ATP2B2: variants seen among roughly 807,000 people sequenced by gnomAD.
ATP2B2 encodes the protein plasma membrane calcium-transporting ATPase 2.
In ATP2B2, 15 loss-of-function variants were observed where a neutral mutation model predicts 120.0. The ratio of observed to expected loss-of-function variants is 0.12; its 90% CI spans 0.08 to 0.19. ATP2B2 has a LOEUF of 0.19. Ranked by LOEUF, ATP2B2 falls within the 10% of genes least tolerant of loss-of-function variation. The pLI is 1.00. For missense variants in ATP2B2, 1,045 were observed against 1,719.8 expected (o/e 0.61, Z 6.94); for synonymous variants, 694 against 700.3 (o/e 0.99, Z 0.14).
intron 3 of ATP2B2, among the ~76,000 whole-genome samples, chr3:10,407,185 G>A (rs907615719): frequency 6.6e-6 from 1 of 152,160 alleles, no homozygotes. Flanking sequence ...CTGCCAGATG[G>A]GGTGGGGGTG....
At position 10,555,698 on chromosome 3, in the gene ATP2B2, G is replaced by A. The variant is rs569520456; in HGVS notation, c.-414-21565C>T. Among the ~76,000 whole-genome samples, 6 of 152,334 alleles carry A rather than the reference G, an allele frequency of 3.9e-5. No individual in the cohort carries two copies. In the South Asian group the frequency reaches 1.0e-3, roughly 26 times the overall value. On this transcript the variant is annotated intron_variant, in intron 2 of 21. Transcript: ENST00000646379. ...GGAATAGCAGCACCTCCATTGTGGG[G>A]CTGGTGGGGAGAAGCCCATAAGATG...
chr3:10,673,554 C>A lies in ATP2B2; in HGVS notation c.-460+34361G>T, dbSNP rs181255332. 2.6e-5 allele frequency among the ~76,000 whole-genome samples: 4 copies of A among 151,992 alleles called. No homozygotes were observed. In the East Asian group the frequency reaches 7.8e-4, roughly 29 times the overall value. ...GTGGTGCACACCTGTAATCCCAGCACTTTGGGAGGCTGAGGCAAGAGGATT... is the reference window on the plus strand; with the variant it reads ...GTGGTGCACACCTGTAATCCCAGCAATTTGGGAGGCTGAGGCAAGAGGATT... On this transcript the variant is annotated intron_variant, in intron 1 of 21. Coordinates refer to the ATP2B2 transcript ENST00000646379.
chr3:10,573,627 G>C (rs1351850794), intron 2 of ATP2B2, among the ~76,000 whole-genome samples: 1 of 152,198 alleles, frequency 6.6e-6, no homozygotes, highest in Non-Finnish European at 1.5e-5. Flanking sequence ...AAGTGTCTCA[G>C]AGGCTTGGTT....
In ATP2B2 at chr3:10,402,482, T is replaced by A; in HGVS notation, c.398-134A>T. ...ATGATAATTATCCACTTACTCAGTG[T>A]GTCTGGGTACCAAGCCCTGTGGAAA... On this transcript the variant is annotated intron_variant, in intron 3 of 22. Coordinates refer to ENST00000360273, the MANE Select transcript of ATP2B2 (RefSeq NM_001001331.4). The surrounding 1 kb of genome is among the most constrained non-coding windows in gnomAD (Gnocchi z 4.9). 7.5e-7 allele frequency: 1 copy of A among 1,334,116 alleles called. No individual in the cohort carries two copies. The highest frequency in any genetic ancestry group is 1.1e-6 in the Non-Finnish European group (1 of 948,718). 82.6% of individuals were successfully genotyped at this position (1,334,116 alleles called of 1,614,324 possible).
intron 14 of ATP2B2, among the ~76,000 whole-genome samples, chr3:10,356,917 A>G (rs1037427575): frequency 1.6e-4 from 25 of 152,154 alleles, no homozygotes; most frequent in African/African-American, 6.0e-4. Context: ...GGATCTTGAT[A>G]GGAGTGAGGA....
intron 12 of ATP2B2, among the ~76,000 whole-genome samples, chr3:10,366,323 C>G (rs1658706): frequency 0.11 from 17,385 of 152,202 alleles, 1,381 homozygotes; most frequent in East Asian, 0.31. Context: ...CAACCCTCCT[C>G]CCTTCTGGGG....
intron 1 of ATP2B2, among the ~76,000 whole-genome samples, chr3:10,450,522 A>G (rs1180450192): frequency 6.6e-6 from 1 of 152,080 alleles, no homozygotes; most frequent in Non-Finnish European, 1.5e-5. Context: ...GGATGGGAGA[A>G]AGCCCCCACC....
intron 1 of ATP2B2, among the ~76,000 whole-genome samples, chr3:10,484,617 G>T (rs58135084): frequency 2.0e-5 from 3 of 152,194 alleles, no homozygotes; most frequent in East Asian, 1.9e-4. Context: ...GTCTCTGCAC[G>T]TCCCAGCCCT....
At chr3:10,660,927 G>C (rs2070761994) in intron 1 of ATP2B2, among the ~76,000 whole-genome samples, 1 of 152,208 alleles carries the variant, frequency 6.6e-6, no homozygotes, top group Admixed American at 6.5e-5. Flanking sequence ...TTCCTGGGAT[G>C]CAAGGCTGGT....
chr3:10,532,784 G>A (rs1387511099), intron 3 of ATP2B2, among the ~76,000 whole-genome samples: 1 of 152,306 alleles, frequency 6.6e-6, no homozygotes, highest in Non-Finnish European at 1.5e-5. Context: ...TGGCCCATCT[G>A]CTTGTTTGCT....
chr3:10,611,491 C>G (rs2125608857), intron 2 of ATP2B2, among the ~76,000 whole-genome samples: 1 of 152,342 alleles, frequency 6.6e-6, no homozygotes, highest in Non-Finnish European at 1.5e-5. Context: ...CATCTGCACT[C>G]TCCCCTGGCC....
rs1490006167 is a variant in ATP2B2, at chr3:10,340,302, C to A, written c.3177G>T (p.Leu1059=). Residue 1059 remains leucine, a synonymous_variant, in exon 21 of 23, where the codon CTG becomes CTT. Coordinates refer to ENST00000360273, the MANE Select transcript of ATP2B2 (RefSeq NM_001001331.4). This position sits in a 1 kb window ranked among gnomAD's most constrained non-coding sequence, Gnocchi z 5.0. The part of the protein sequence containing the change: ...FGGKPFSCSP[L]QLDQWMWCIF... ...TGCACCACATCCACTGGTCCAGCTG[C>A]AGTGGAGAGCAGCTGAATGGCTTCC... 2 of 1,614,212 alleles carry A rather than the reference C, an allele frequency of 1.2e-6. No individual in the cohort carries two copies. Among genetic ancestry groups the A allele is most frequent in the Non-Finnish European group, 1.7e-6 (2 of 1,180,038 alleles).
In ATP2B2 at chr3:10,375,379, C is replaced by A; in HGVS notation, c.1416+51G>T. The A allele has an allele frequency of 6.7e-7, 1 of 1,500,994 alleles. No individual in the cohort carries two copies. Among genetic ancestry groups the A allele is most frequent in the East Asian group, 2.3e-5 (1 of 44,326 alleles). 93.0% of individuals were successfully genotyped at this position (1,500,994 alleles called of 1,614,324 possible). ...ACCAGCCCCAGTGATTCCCCCAGGC[C>A]CTCAGCTGCAGCTGCATCAGCCGGC... On this transcript the variant is annotated intron_variant, in intron 11 of 22. Transcript: ENST00000360273. The surrounding 1 kb of genome is among the most constrained non-coding windows in gnomAD (Gnocchi z 4.2).
intron 12 of ATP2B2, among the ~76,000 whole-genome samples, chr3:10,367,595 A>G (rs1347150323): frequency 2.0e-5 from 3 of 152,136 alleles, no homozygotes; most frequent in Admixed American, 6.5e-5. Context: ...AGTTCGTCTA[A>G]GCTTCACAAC....
intron 3 of ATP2B2, among the ~76,000 whole-genome samples, chr3:10,525,696 C>T (rs1186609401): frequency 6.6e-6 from 1 of 152,086 alleles, no homozygotes; most frequent in East Asian, 1.9e-4. Flanking sequence ...TCGAATACCT[C>T]AGAAGGGGTA....
chr3:10,705,117 G>T (rs76201210), intron 1 of ATP2B2, among the ~76,000 whole-genome samples: 7,808 of 152,250 alleles, frequency 0.051, 427 homozygotes, highest in African/African-American at 0.13. Flanking sequence ...TATGGACTGG[G>T]TTATAGCAAA....
At chr3:10,602,108 G>T (rs1312631093) in intron 2 of ATP2B2, among the ~76,000 whole-genome samples, 1 of 152,202 alleles carries the variant, frequency 6.6e-6, no homozygotes, top group Non-Finnish European at 1.5e-5. Context: ...GTGCTGGGTT[G>T]AAGCCCCCTC....
chr3:10,629,178 C>T (rs563902265), intron 1 of ATP2B2, among the ~76,000 whole-genome samples: 37 of 152,278 alleles, frequency 2.4e-4, no homozygotes, highest in Admixed American at 1.0e-3. Flanking sequence ...ATATGCGGTA[C>T]TGCACAGACT....
At chr3:10,404,830 T>C (rs543103842) in intron 3 of ATP2B2, among the ~76,000 whole-genome samples, 176 of 152,298 alleles carry the variant, frequency 1.2e-3, no homozygotes, top group Middle Eastern at 0.01. Flanking sequence ...TCTTGGGGCT[T>C]AGAGGCATGG....
Sources: allele counts gnomAD v4.1 joint callset (sites outside exome capture counted in the v4.1 genomes callset), GRCh38; gene constraint gnomAD v4.1.1; non-coding constraint Gnocchi (gnomAD v3.1); transcripts MANE v1.5; gene names NCBI Gene and HGNC (gene_info 2026-07-23, HGNC 2026-07-21).